Variants in CNOT2 observed in about 807,000 individuals in gnomAD.
The protein encoded by CNOT2 is CCR4-NOT transcription complex subunit 2.
CNOT2 carries 7 observed loss-of-function variants against 72.1 expected under a neutral mutation model. That is an observed-to-expected ratio of 0.10 (90% CI 0.06 to 0.18). CNOT2 has a LOEUF of 0.18. CNOT2 is among the 10% of genes least tolerant of loss of function. The pLI is 1.00. For missense variants in CNOT2, 345 were observed against 660.3 expected (o/e 0.52, Z 5.23); for synonymous variants, 196 against 225.6 (o/e 0.87, Z 1.17).
In CNOT2 at chr12:70,289,661, A is replaced by T. The variant is rs546672692; in HGVS notation, c.48+11387A>T. Reference sequence around the variant, plus strand: ...TTTCTCACCATGCTTTAGTTAGGATAGTTTTTATTACTGTTTTTTTAAGTT... The same window carrying T: ...TTTCTCACCATGCTTTAGTTAGGATTGTTTTTATTACTGTTTTTTTAAGTT... On this transcript the variant is annotated intron_variant, in intron 2 of 15. Transcript: ENST00000229195. Among the ~76,000 whole-genome samples the T allele has an allele frequency of 3.9e-5, 6 of 151,960 alleles. No individual in the cohort carries two copies. The South Asian group carries it at 1.0e-3, about 26-fold the overall frequency.
chr12:70,323,710 TAC>T (rs1878649222), intron 4 of CNOT2: 1 of 151,786 alleles, frequency 6.6e-6, no homozygotes, highest in South Asian at 2.1e-4. Context: ...CAGCAAGAAG[TAC>T]AGTCTTCACA....
intron 2 of CNOT2, among the ~76,000 whole-genome samples, chr12:70,302,657 AGGTGT>A (rs1267487203): frequency 6.6e-6 from 1 of 152,228 alleles, no homozygotes; most frequent in South Asian, 2.1e-4. Context: ...ACTTTGGAAT[AGGTGT>A]GGTGTGGTGC....
intron 2 of CNOT2, among the ~76,000 whole-genome samples, chr12:70,295,496 G>A (rs866176614): frequency 4.6e-5 from 7 of 151,564 alleles, no homozygotes; most frequent in Non-Finnish European, 8.8e-5. Context: ...TTTGCCTACC[G>A]TCTTTTAAGG....
At chr12:70,257,253 TAACTCA>T (rs891421109) in intron 1 of CNOT2, among the ~76,000 whole-genome samples, 13 of 152,144 alleles carry the variant, frequency 8.5e-5, no homozygotes, top group African/African-American at 3.1e-4. Flanking sequence ...ATAATATACT[TAACTCA>T]GAGGTTAGAA....
intron 1 of CNOT2, among the ~76,000 whole-genome samples, chr12:70,275,424 C>T (rs764393861): frequency 6.6e-6 from 1 of 151,830 alleles, no homozygotes; most frequent in Non-Finnish European, 1.5e-5. Context: ...AAATTTAGTT[C>T]CAGTTTCCCC....
At chr12:70,245,967 G>A (rs1359478347) in intron 1 of CNOT2, among the ~76,000 whole-genome samples, 1 of 152,078 alleles carries the variant, frequency 6.6e-6, no homozygotes, top group African/African-American at 2.4e-5. Context: ...TATTCCTTTA[G>A]TAGATACTGG....
At chr12:70,263,294 CT>C (rs1958865082) in intron 1 of CNOT2, among the ~76,000 whole-genome samples, 1 of 151,666 alleles carries the variant, frequency 6.6e-6, no homozygotes, top group African/African-American at 2.4e-5. Context: ...TTTTTCTGTT[CT>C]TTTCTCTCTC....
At chr12:70,291,795 G>C (rs1177999714) in intron 2 of CNOT2, among the ~76,000 whole-genome samples, 1 of 152,160 alleles carries the variant, frequency 6.6e-6, no homozygotes, top group African/African-American at 2.4e-5. Flanking sequence ...AAATTAGCCA[G>C]GCGTGGTGGC....
intron 2 of CNOT2, among the ~76,000 whole-genome samples, chr12:70,309,403 CA>C (rs908148285): frequency 2.0e-4 from 30 of 152,064 alleles, no homozygotes; most frequent in Non-Finnish European, 4.1e-4. Flanking sequence ...GAAAGACAGT[CA>C]AATAATTAAG....
At chr12:70,252,967 G>A (rs1241008014) in intron 1 of CNOT2, among the ~76,000 whole-genome samples, 1 of 152,048 alleles carries the variant, frequency 6.6e-6, no homozygotes, top group Non-Finnish European at 1.5e-5. Context: ...ACTCTTTTTT[G>A]TATCAGATTC....
At chr12:70,250,467 T>C (rs1958087927) in intron 1 of CNOT2, among the ~76,000 whole-genome samples, 2 of 152,100 alleles carry the variant, frequency 1.3e-5, no homozygotes, top group South Asian at 2.1e-4. Flanking sequence ...TTGACATTGT[T>C]ATTGGATATA....
chr12:70,311,729 G>A (rs1876497864), intron 3 of CNOT2, among the ~76,000 whole-genome samples: 1 of 151,886 alleles, frequency 6.6e-6, no homozygotes. Flanking sequence ...CACACCAGTT[G>A]CATTCTTATA....
chr12:70,277,043 A>C (rs536849013), intron 1 of CNOT2, among the ~76,000 whole-genome samples: 2 of 152,146 alleles, frequency 1.3e-5, no homozygotes, highest in South Asian at 4.1e-4. Flanking sequence ...TGTTGGTTTT[A>C]ATAATTCTAA....
intron 2 of CNOT2, among the ~76,000 whole-genome samples, chr12:70,281,952 G>A (rs768829172): frequency 6.0e-5 from 8 of 132,422 alleles, no homozygotes; most frequent in Non-Finnish European, 8.9e-5. Context: ...ATTGAACAGT[G>A]TAGATACAGA....
rs148364413 is a variant in CNOT2, at chr12:70,291,939, A to G, written c.48+13665A>G. On this transcript the variant is annotated intron_variant, in intron 2 of 15. Coordinates refer to ENST00000229195, the MANE Select transcript of CNOT2 (RefSeq NM_014515.7). ...GCGACAGAGTGAGACTCCGTCTCAA[A>G]AAAACAAAACAAAACAACACCACGG... Among the ~76,000 whole-genome samples, 58 of 152,350 alleles carry G rather than the reference A, an allele frequency of 3.8e-4. No individual in the cohort carries two copies. In the East Asian group the frequency reaches 9.7e-3, roughly 25 times the overall value.
chr12:70,319,075 T>G, intron 3 of CNOT2: 1 of 359,600 alleles, frequency 2.8e-6, no homozygotes, highest in East Asian at 4.1e-5. Flanking sequence ...AGAAAACTTA[T>G]AGTATTAAAA....
chr12:70,251,068 C>G (rs993018410), intron 1 of CNOT2, among the ~76,000 whole-genome samples: 4 of 152,058 alleles, frequency 2.6e-5, no homozygotes, highest in African/African-American at 9.7e-5. Flanking sequence ...GAAAACTTTC[C>G]TTAATTCATG....
At chr12:70,295,717 AATTAT>A (rs775786326) in intron 2 of CNOT2, among the ~76,000 whole-genome samples, 12 of 152,104 alleles carry the variant, frequency 7.9e-5, no homozygotes, top group African/African-American at 1.4e-4. Context: ...AAGAGGTACT[AATTAT>A]ATTTAGTTCT....
At chr12:70,262,767 G>A (rs983602883) in intron 1 of CNOT2, among the ~76,000 whole-genome samples, 13 of 150,658 alleles carry the variant, frequency 8.6e-5, no homozygotes, top group African/African-American at 2.7e-4. Flanking sequence ...TCTACCTCCC[G>A]GGTTCAAGCA....
Sources: allele counts gnomAD v4.1 joint callset (sites outside exome capture counted in the v4.1 genomes callset), GRCh38; gene constraint gnomAD v4.1.1; transcripts MANE v1.5; gene names NCBI Gene and HGNC (gene_info 2026-07-23, HGNC 2026-07-21).